The following FNBP1 variants were observed in gnomAD, a reference collection of about 807,000 sequenced individuals.
FNBP1 encodes formin-binding protein 1.
A neutral mutation model predicts 90.6 loss-of-function variants in FNBP1; 26 were observed. The ratio of observed to expected loss-of-function variants is 0.29; its 90% CI spans 0.21 to 0.40. The LOEUF (loss-of-function observed/expected upper bound fraction) is 0.40. Among genes scored for constraint, FNBP1 ranks in the 10% least tolerant of loss-of-function variants. The probability of loss-of-function intolerance (pLI) is 1.00; values close to 1 mark genes in which losing one functional copy is unlikely to be tolerated. For missense variants in FNBP1, 635 were observed against 768.0 expected (o/e 0.83, Z 2.05); for synonymous variants, 260 against 265.2 (o/e 0.98, Z 0.19).
chr9:129,940,789 G>T (rs1341860183), intron 6 of FNBP1, among the ~76,000 whole-genome samples: 1 of 151,868 alleles, frequency 6.6e-6, no homozygotes, highest in African/African-American at 2.4e-5. Flanking sequence ...ACCACACCCA[G>T]CTAATTTTTG....
intron 13 of FNBP1, among the ~76,000 whole-genome samples, chr9:129,902,620 C>G (rs115908626): frequency 6.6e-6 from 1 of 152,078 alleles, no homozygotes; most frequent in Non-Finnish European, 1.5e-5. Context: ...CCGCCAACCC[C>G]GCACCGTATA....
Position 129,978,252 on chromosome 9 carries a change from T to C in FNBP1, c.345+213A>G, listed in dbSNP as rs6478934. On this transcript the variant is annotated intron_variant, in intron 4 of 16. Coordinates refer to ENST00000446176, the MANE Select transcript of FNBP1 (RefSeq NM_015033.3). ...GTCAGGCTGGTCTCAAACTCCTCAC[T>C]TTGTGATCCGCCTGCCTCGGCCTCC... The C allele has an allele frequency of 0.99, 436,823 of 442,734 alleles. 215,742 individuals are homozygous for C. Among genetic ancestry groups the C allele is most frequent in the East Asian group, 1 (24,242 of 24,242 alleles). 27.4% of individuals were successfully genotyped at this position (442,734 alleles called of 1,614,324 possible).
In FNBP1 at chr9:129,951,440, ATTTG is replaced by A. The variant is rs71385492; in HGVS notation, c.513+5916_513+5919del. On this transcript the variant is annotated intron_variant, in intron 6 of 16. Coordinates refer to ENST00000446176, the MANE Select transcript of FNBP1 (RefSeq NM_015033.3). ...TTTCTATTTATTTATTTATTTATTT[ATTTG>A]TTTGTTTGTTTGTTTGAGACAGGAT... Among the ~76,000 whole-genome samples, 349 of 148,908 alleles carry A rather than the reference ATTTG, an allele frequency of 2.3e-3. 3 individuals are homozygous for A. Among genetic ancestry groups the A allele is most frequent in the Admixed American group, 9.0e-3 (134 of 14,890 alleles).
intron 1 of FNBP1, among the ~76,000 whole-genome samples, chr9:130,019,519 T>C (rs559800537): frequency 6.6e-6 from 1 of 152,274 alleles, no homozygotes; most frequent in East Asian, 1.9e-4. Context: ...TGCTGAAGTT[T>C]ACAAAAATCA....
intron 1 of FNBP1, among the ~76,000 whole-genome samples, chr9:130,013,214 A>C (rs1438668682): frequency 2.0e-5 from 3 of 151,464 alleles, no homozygotes; most frequent in Admixed American, 6.6e-5. Context: ...ACCTGGGCTC[A>C]AGCAATCCCC....
intron 12 of FNBP1, among the ~76,000 whole-genome samples, chr9:129,903,597 C>G (rs778843117): frequency 7.9e-5 from 12 of 152,140 alleles, no homozygotes; most frequent in Non-Finnish European, 1.6e-4. Context: ...CTGCCCTTCC[C>G]TTTGCCACAC....
At chr9:129,983,199 T>A (rs1489797197) in intron 2 of FNBP1, among the ~76,000 whole-genome samples, 1 of 152,194 alleles carries the variant, frequency 6.6e-6, no homozygotes, top group African/African-American at 2.4e-5. Flanking sequence ...CAGTATTCTT[T>A]ATAGTTCTCT....
chr9:129,888,385 G>T lies in FNBP1; in HGVS notation c.*2154C>A, dbSNP rs57475328. The T allele has an allele frequency of 0.032, 7,409 of 232,664 alleles. 548 individuals carry two copies. Among genetic ancestry groups the T allele is most frequent in the African/African-American group, 0.15 (6,863 of 45,366 alleles). The allele number at this position is 232,664 out of a possible 1,614,324, so 14.4% of individuals were successfully genotyped here. A position where few individuals can be genotyped will look rare whatever the true frequency, so the allele number is the denominator to read the frequency against. On this transcript the variant is annotated 3_prime_UTR_variant, in exon 17 of 17. Coordinates refer to ENST00000446176, the MANE Select transcript of FNBP1 (RefSeq NM_015033.3). ...GATCCCTGTCGTCCCCGTTGGCGGGGGAGCCCATTGTGGAGCTGTGGGGAC... is the reference window on the plus strand; with the variant it reads ...GATCCCTGTCGTCCCCGTTGGCGGGTGAGCCCATTGTGGAGCTGTGGGGAC...
At chr9:130,046,592 A>AAAAAAAAAAAAAC, upstream of FNBP1, among the ~76,000 whole-genome samples, 2 of 147,636 alleles carry the variant, frequency 1.4e-5, no homozygotes, top group African/African-American at 2.6e-5. Flanking sequence ...AAAAAAAAAA[A>AAAAAAAAAAAAAC]AAAAAAAAAA....
intron 4 of FNBP1, among the ~76,000 whole-genome samples, chr9:129,964,834 A>G (rs2048328451): frequency 6.8e-6 from 1 of 148,078 alleles, no homozygotes; most frequent in African/African-American, 2.5e-5. Flanking sequence ...AGAGCAAAAT[A>G]TGGCACTGAT....
chr9:129,971,421 C>T (rs1249978530), intron 4 of FNBP1, among the ~76,000 whole-genome samples: 1 of 152,052 alleles, frequency 6.6e-6, no homozygotes, highest in African/African-American at 2.4e-5. Flanking sequence ...GACAGAGTCT[C>T]ACTCTGTCAC....
chr9:130,042,047 G>C lies in FNBP1; in HGVS notation c.24+905C>G, dbSNP rs745634917. Among the ~76,000 whole-genome samples, 4 of 152,122 alleles carry C rather than the reference G, an allele frequency of 2.6e-5. No individual in the cohort carries two copies. The highest frequency in any genetic ancestry group is 5.9e-5 in the Non-Finnish European group (4 of 67,984). ...CCGCACTGCCCATCCCCTGCCCAGT[G>C]ATTTCCCCAGGAATCCGGGGACGGC... On this transcript the variant is annotated intron_variant, in intron 1 of 16. Transcript: ENST00000446176. The surrounding 1 kb of genome is among the most constrained non-coding windows in gnomAD (Gnocchi z 5.5).
intron 4 of FNBP1, among the ~76,000 whole-genome samples, chr9:129,976,518 T>C (rs1181438616): frequency 6.6e-6 from 1 of 152,200 alleles, no homozygotes; most frequent in Non-Finnish European, 1.5e-5. Context: ...TCCAAGGCCA[T>C]ATGCTACACA....
At chr9:130,003,001 TAATC>T (rs1401328350) in intron 1 of FNBP1, among the ~76,000 whole-genome samples, 1 of 152,232 alleles carries the variant, frequency 6.6e-6, no homozygotes, top group Admixed American at 6.5e-5. Context: ...GTTATTGTGT[TAATC>T]AATATGCAAT....
chr9:129,897,214 T>G (rs2035932838), intron 15 of FNBP1, among the ~76,000 whole-genome samples: 1 of 152,176 alleles, frequency 6.6e-6, no homozygotes, highest in African/African-American at 2.4e-5. Flanking sequence ...GCCCCGAATA[T>G]ATGCAGTTTG....
chr9:130,042,686 A>T lies in FNBP1; in HGVS notation c.24+266T>A, dbSNP rs942795375. Among the ~76,000 whole-genome samples the T allele has an allele frequency of 1.3e-5, 2 of 151,484 alleles. No individual in the cohort carries two copies. Among genetic ancestry groups the T allele is most frequent in the African/African-American group, 4.8e-5 (2 of 41,268 alleles). ...CACGGCCCGCTCCGGGGCGCCGGGG[A>T]CAGGGAGGCCCGCCCGCGCCGTTCC... On this transcript the variant is annotated intron_variant, in intron 1 of 16. Transcript: ENST00000446176. The surrounding 1 kb of genome is among the most constrained non-coding windows in gnomAD (Gnocchi z 5.5).
At chr9:129,981,628 C>T (rs534679663) in intron 2 of FNBP1, among the ~76,000 whole-genome samples, 2 of 151,950 alleles carry the variant, frequency 1.3e-5, no homozygotes, top group East Asian at 3.9e-4. Context: ...TACTAGATGA[C>T]GGGAGAGGCC....
At chr9:130,008,038 T>TA (rs55687618) in intron 1 of FNBP1, among the ~76,000 whole-genome samples, 196 of 134,866 alleles carry the variant, frequency 1.5e-3, no homozygotes, top group East Asian at 2.8e-3. Flanking sequence ...TTTTTTTCAT[T>TA]AAAAAAAAAA....
intron 2 of FNBP1, among the ~76,000 whole-genome samples, chr9:129,993,867 C>G (rs567588120): frequency 6.6e-6 from 1 of 152,074 alleles, no homozygotes; most frequent in Non-Finnish European, 1.5e-5. Flanking sequence ...TCAGGCAATC[C>G]GCCCACCTTT....
Sources: allele counts gnomAD v4.1 joint callset (sites outside exome capture counted in the v4.1 genomes callset), GRCh38; gene constraint gnomAD v4.1.1; non-coding constraint Gnocchi (gnomAD v3.1); transcripts MANE v1.5; gene names NCBI Gene and HGNC (gene_info 2026-07-23, HGNC 2026-07-21).